Variants in ITIH4 observed in about 807,000 individuals in gnomAD.
ITIH4 encodes the protein inter-alpha-trypsin inhibitor heavy chain H4.
ITIH4 carries 79 observed loss-of-function variants against 111.8 expected under a neutral mutation model. The ratio of observed to expected loss-of-function variants is 0.71; its 90% CI spans 0.59 to 0.85. ITIH4 has a LOEUF of 0.85. ITIH4 is among the 40% of genes least tolerant of loss of function. The probability of loss-of-function intolerance (pLI) is 0.00; values close to 1 mark genes in which losing one functional copy is unlikely to be tolerated. For missense variants in ITIH4, 1,065 were observed against 1,195.8 expected (o/e 0.89, Z 1.61); for synonymous variants, 472 against 468.3 (o/e 1.01, Z -0.10).
intron 11 of ITIH4, 68 bp from the exon 12 acceptor site, chr3:52,821,198 T>A: frequency 6.4e-7 from 1 of 1,560,260 alleles, no homozygotes; most frequent in South Asian, 1.2e-5. Context: ...CTGGCACTTC[T>A]GAGCTCTTCC....
chr3:52,823,469 G>A, intron 11 of ITIH4, 87 bp downstream of exon 11: 2 of 1,105,750 alleles, frequency 1.8e-6, no homozygotes, highest in Non-Finnish European at 2.6e-6. Flanking sequence ...AGCTGGAGCT[G>A]GGCAGGTCTG....
rs1462678791 is a variant in ITIH4, at chr3:52,821,002, C to A, written c.1668G>T (p.Leu556=). The A allele has an allele frequency of 6.2e-7, 1 of 1,613,914 alleles. No homozygotes were observed. Reference sequence around the variant, plus strand: ...GCTGATGCACTCACGTTTGCTCCAGCAGCTGCTGGATAGTCAGGTATGCCC... The same window carrying A: ...GCTGATGCACTCACGTTTGCTCCAGAAGCTGCTGGATAGTCAGGTATGCCC... ...RLWAYLTIQQ[L]LEQTVSASDA... The change falls in exon 12 of 24, where the codon CTG becomes CTT. Residue 556 remains leucine, a synonymous_variant. Transcript: ENST00000266041.
chr3:52,819,655 G>A, intron 16 of ITIH4, 99 bp downstream of exon 16: 2 of 1,571,268 alleles, frequency 1.3e-6, no homozygotes, highest in Middle Eastern at 2.0e-4. Context: ...AACTTGGGGA[G>A]CCTCTCCCCC....
chr3:52,818,273 C>T lies in ITIH4; in HGVS notation c.2163G>A (p.Met721Ile), dbSNP rs1352097304. The stretch of plus-strand genomic sequence containing the variant: ...GGAACTTACCTGGGGTTTGGGTTGT[C>T]ATGGTTGTTTCTAAAAGAAGAAAAA... ...VMNMKIEETT[M>I]TTQTPAPIQA... The change falls in exon 19 of 24, where the codon ATG (methionine) becomes ATA (isoleucine). Residue 721 changes from methionine to isoleucine, a missense_variant. Coordinates refer to ENST00000266041, the MANE Select transcript of ITIH4 (RefSeq NM_002218.5). 6.3e-7 allele frequency: 1 copy of T among 1,579,616 alleles called. No individual in the cohort carries two copies.
Position 52,823,619 on chromosome 3 carries a change from C to T in ITIH4, c.1476G>A (p.Val492=). ...FRLLFKGSEM[V]VAGKLQDRGP... is the part of the protein sequence containing the mutation. ...CCCGGTCCTGGAGCTTCCCAGCCAC[C>T]ACCATCTCTGAGCCCTTGAAGAGGA... Residue 492 remains valine (V), a synonymous_variant, in exon 11 of 24, where the codon GTG becomes GTA. Transcript: ENST00000266041. 1 of 1,614,096 alleles carries T rather than the reference C, an allele frequency of 6.2e-7. No homozygotes were observed. Among genetic ancestry groups the T allele is most frequent in the South Asian group, 1.1e-5 (1 of 91,074 alleles).
intron 17 of ITIH4, 90 bp downstream of exon 17, chr3:52,819,303 G>A (rs1458151079): frequency 7.4e-6 from 11 of 1,478,402 alleles, no homozygotes; most frequent in Non-Finnish European, 1.0e-5. Flanking sequence ...TGGCCCTGTG[G>A]TGCGTGCTTT....
chr3:52,821,138 G>A lies in ITIH4; in HGVS notation c.1540-8C>T, dbSNP rs775864524. The A allele has an allele frequency of 1.2e-6, 2 of 1,612,154 alleles. No individual in the cohort carries two copies. Among genetic ancestry groups the A allele is most frequent in the Non-Finnish European group, 1.7e-6 (2 of 1,179,570 alleles). On this transcript the variant is annotated splice_region_variant and splice_polypyrimidine_tract_variant and intron_variant, in intron 11 of 23. Transcript: ENST00000266041. The stretch of plus-strand genomic sequence containing the variant: ...AGTGATGTTCTGTGTAGGCTGGAAA[G>A]AGGGGCCCAGCCAGGGCAGGAGCAG...
chr3:52,817,053 C>T lies in ITIH4; in HGVS notation c.2302G>A (p.Glu768Lys). ...NLLSDPEQGVEVTGQYEREKA... is the reference protein window; with the variant it reads ...NLLSDPEQGVKVTGQYEREKA... ...TCCCTCTCATACTGGCCAGTCACCT[C>T]AACCCCTGGGAGGACCAGACCAGAG... The change falls in exon 21 of 24, where the codon GAG becomes AAG. Residue 768 changes from glutamate to lysine, a missense_variant. By Grantham distance (56) the Glu-to-Lys change is moderately conservative (BLOSUM62 1). Coordinates refer to ENST00000266041, the MANE Select transcript of ITIH4 (RefSeq NM_002218.5). 6.2e-7 allele frequency: 1 copy of T among 1,613,112 alleles called. No individual in the cohort carries two copies. Among genetic ancestry groups the T allele is most frequent in the Non-Finnish European group, 8.5e-7 (1 of 1,179,558 alleles).
At chr3:52,820,375 T>C in intron 13 of ITIH4, 58 bp from the exon 14 acceptor site, 1 of 1,573,702 alleles carries the variant, frequency 6.4e-7, no homozygotes, top group East Asian at 2.2e-5. Context: ...ACAGACACCG[T>C]CAGGGTGGTT....
intron 2 of ITIH4, among the ~76,000 whole-genome samples, chr3:52,827,418 C>T (rs1186570111): frequency 6.6e-6 from 1 of 152,218 alleles, no homozygotes; most frequent in African/African-American, 2.4e-5. Flanking sequence ...GAGGTGTGTA[C>T]AGTAACAGTA....
At chr3:52,817,977 C>G (rs983373860) in intron 20 of ITIH4, 75 bp downstream of exon 20, 10 of 1,144,852 alleles carry the variant, frequency 8.7e-6, no homozygotes, top group East Asian at 2.3e-5. Flanking sequence ...CCTGCACGCG[C>G]TGTGTGTGTC....
chr3:52,820,267 C>G (rs775912443), intron 14 of ITIH4, 24 bp downstream of exon 14: 3 of 1,613,984 alleles, frequency 1.9e-6, no homozygotes, highest in South Asian at 1.1e-5. Context: ...CCCAGCACAG[C>G]CTTTGAGGAT....
chr3:52,818,833 A>G, intron 17 of ITIH4: 1 of 460,970 alleles, frequency 2.2e-6, no homozygotes, highest in South Asian at 2.4e-5. Context: ...CTCATGAGTC[A>G]GCCTCTAGAG....
rs180782347 is a variant in ITIH4, at chr3:52,816,471, G to C, written c.2471+413C>G. On this transcript the variant is annotated intron_variant, in intron 21 of 23. Transcript: ENST00000266041. Reference sequence around the variant, plus strand: ...GCAGCGCTGTCCTGTGGGGTGCTTGGGGGGCACTGTATCATCTGACGGCAA... The same window carrying C: ...GCAGCGCTGTCCTGTGGGGTGCTTGCGGGGCACTGTATCATCTGACGGCAA... 2.7e-4 allele frequency among the ~76,000 whole-genome samples: 41 copies of C among 152,324 alleles called. 1 individual carries two copies. The highest frequency in any genetic ancestry group is 9.6e-4 in the African/African-American group (40 of 41,578).
At chr3:52,818,571 AGGAAGGCAGTCAGGAGGC>A in intron 17 of ITIH4, 35 bp from the exon 18 acceptor site, 2 of 1,567,410 alleles carry the variant, frequency 1.3e-6, no homozygotes, top group South Asian at 2.3e-5. Context: ...GAAAGGGAGC[AGGAAGGCAGTCAGGAGGC>A]GGGCAACCAG....
At position 52,817,086 on chromosome 3, in the gene ITIH4, A is replaced by G. The variant is rs755186754; in HGVS notation, c.2297-28T>C. On this transcript the variant is annotated intron_variant, in intron 20 of 23. Coordinates refer to ENST00000266041, the MANE Select transcript of ITIH4 (RefSeq NM_002218.5). ...GGGAGGACCAGACCAGAGAGGTCAT[A>G]GCTGGGCCCCAGCCAGGTCTGACAC... 2.1e-5 allele frequency: 33 copies of G among 1,599,442 alleles called. No homozygotes were observed. The South Asian group carries it at 3.7e-4, about 18-fold the overall frequency.
chr3:52,829,321 C>T (rs145438276), intron 1 of ITIH4, 42 bp from the exon 2 acceptor site: 243 of 1,571,054 alleles, frequency 1.5e-4, no homozygotes, highest in Non-Finnish European at 2.0e-4. Context: ...GTTTCAATGC[C>T]ACCTCAGCTC....
intron 2 of ITIH4, 147 bp downstream of exon 2, chr3:52,828,972 T>A: frequency 1.6e-6 from 1 of 644,806 alleles, no homozygotes; most frequent in Non-Finnish European, 2.5e-6. Flanking sequence ...CAAGCCCCTG[T>A]TCCTGTGTGG....
chr3:52,820,578 G>A lies in ITIH4; in HGVS notation c.1834+53C>T, dbSNP rs946310707. 5.8e-6 allele frequency: 9 copies of A among 1,555,344 alleles called. No individual in the cohort carries two copies. The African/African-American group carries it at 9.6e-5, about 17-fold the overall frequency. On this transcript the variant is annotated intron_variant, in intron 13 of 23. Coordinates refer to ENST00000266041, the MANE Select transcript of ITIH4 (RefSeq NM_002218.5). ...GGATGCAGGGAAGATCGGGGAGAACGCTGGGTCCAAACTCTGCTACCTGGG... is the reference window on the plus strand; with the variant it reads ...GGATGCAGGGAAGATCGGGGAGAACACTGGGTCCAAACTCTGCTACCTGGG...
Sources: allele counts gnomAD v4.1 joint callset (sites outside exome capture counted in the v4.1 genomes callset), GRCh38; gene constraint gnomAD v4.1.1; transcripts MANE v1.5; gene names NCBI Gene and HGNC (gene_info 2026-07-23, HGNC 2026-07-21).